DYNC1I1: variants seen among roughly 807,000 people sequenced by gnomAD.
DYNC1I1 encodes dynein cytoplasmic 1 intermediate chain 1, also known as cytoplasmic dynein 1 intermediate chain 1.
A neutral mutation model predicts 86.6 loss-of-function variants in DYNC1I1; 43 were observed. The ratio of observed to expected loss-of-function variants is 0.50; its 90% confidence interval spans 0.39 to 0.64. DYNC1I1 has a LOEUF of 0.64. Ranked by LOEUF, DYNC1I1 falls within the 30% of genes least tolerant of loss-of-function variation. The pLI, the probability that DYNC1I1 is intolerant of heterozygous loss-of-function variation, is 0.00. For missense variants in DYNC1I1, 604 were observed against 788.8 expected (o/e 0.77, Z 2.81); for synonymous variants, 262 against 283.7 (o/e 0.92, Z 0.77).
chr7:95,885,965 C>T (rs1790581859), intron 6 of DYNC1I1, among the ~76,000 whole-genome samples: 1 of 152,092 alleles, frequency 6.6e-6, no homozygotes, highest in Non-Finnish European at 1.5e-5. Flanking sequence ...AATAAACTAC[C>T]AAAGGTCTTA....
chr7:95,910,458 T>G (rs966463196), intron 6 of DYNC1I1, among the ~76,000 whole-genome samples: 2 of 152,134 alleles, frequency 1.3e-5, no homozygotes, highest in African/African-American at 4.8e-5. Context: ...CCATGTAAAG[T>G]GGACACTTAT....
intron 3 of DYNC1I1, among the ~76,000 whole-genome samples, chr7:95,811,525 A>C (rs1318587544): frequency 6.6e-6 from 1 of 152,112 alleles, no homozygotes; most frequent in Non-Finnish European, 1.5e-5. Context: ...TAAGAAAAAG[A>C]ACAATATATA....
chr7:96,062,418 CT>C (rs1325044582), intron 14 of DYNC1I1, among the ~76,000 whole-genome samples: 2 of 150,936 alleles, frequency 1.3e-5, no homozygotes, highest in Admixed American at 1.3e-4. Context: ...TACTTTCCTT[CT>C]TTTGTTTTTT....
chr7:96,038,571 A>G (rs1343987757), intron 13 of DYNC1I1, among the ~76,000 whole-genome samples: 1 of 152,202 alleles, frequency 6.6e-6, no homozygotes, highest in Non-Finnish European at 1.5e-5. Context: ...TTATTCAACA[A>G]ATATTTATTG....
At chr7:95,810,363 T>G (rs1437079447) in intron 2 of DYNC1I1, 29 bp from the exon 3 acceptor site, 1 of 1,565,254 alleles carries the variant, frequency 6.4e-7, no homozygotes, top group South Asian at 1.2e-5. Context: ...GTTATGTTAT[T>G]AACTTTTCTT....
intron 13 of DYNC1I1, among the ~76,000 whole-genome samples, chr7:96,036,218 C>G (rs1459771785): frequency 6.6e-6 from 1 of 152,156 alleles, no homozygotes; most frequent in East Asian, 1.9e-4. Context: ...TTTTCTGACT[C>G]TTGGGCAAAG....
rs185161249 is a variant in DYNC1I1 at position 95,977,481 on chromosome 7, A to G, written c.491-31A>G. ...AAAGACTTTGATTTGGAGGAAAGAA[A>G]ATATTGTATTTTTCTCTTTCTTTTT... On this transcript the variant is annotated intron_variant, in intron 6 of 16. Transcript: ENST00000447467. The G allele has an allele frequency of 3.2e-5, 51 of 1,602,934 alleles. No homozygotes were observed. In the African/African-American group the frequency reaches 6.3e-4, roughly 20 times the overall value.
At chr7:95,803,219 A>G (rs1794623376) in intron 1 of DYNC1I1, among the ~76,000 whole-genome samples, 1 of 152,240 alleles carries the variant, frequency 6.6e-6, no homozygotes, top group Non-Finnish European at 1.5e-5. Context: ...ATGAATGTCA[A>G]AGGCCTGGCA....
At chr7:96,094,683 T>C (rs1290955726) in intron 16 of DYNC1I1, among the ~76,000 whole-genome samples, 1 of 152,206 alleles carries the variant, frequency 6.6e-6, no homozygotes, top group African/African-American at 2.4e-5. Context: ...GATGGTGATA[T>C]TTAATTCTAA....
chr7:95,841,583 A>G (rs1789283477), intron 5 of DYNC1I1, among the ~76,000 whole-genome samples: 1 of 152,000 alleles, frequency 6.6e-6, no homozygotes, highest in Non-Finnish European at 1.5e-5. Context: ...ACTCCCAAGC[A>G]GCAGATGAAA....
intron 14 of DYNC1I1, among the ~76,000 whole-genome samples, chr7:96,046,760 G>C (rs753359398): frequency 6.6e-6 from 1 of 152,160 alleles, no homozygotes; most frequent in African/African-American, 2.4e-5. Context: ...GATTTGAGAG[G>C]GGAGTCAGTG....
intron 5 of DYNC1I1, among the ~76,000 whole-genome samples, chr7:95,851,529 C>A (rs1042418375): frequency 6.6e-6 from 1 of 151,856 alleles, no homozygotes; most frequent in African/African-American, 2.4e-5. Context: ...GATTTGCGTT[C>A]ATGGGACTAT....
At chr7:96,084,268 C>T (rs1412678830) in intron 16 of DYNC1I1, among the ~76,000 whole-genome samples, 3 of 148,888 alleles carry the variant, frequency 2.0e-5, no homozygotes, top group Non-Finnish European at 4.4e-5. Context: ...GCAAATTAGC[C>T]GGTCCTGTCA....
At chr7:95,886,808 C>T (rs993310024) in intron 6 of DYNC1I1, among the ~76,000 whole-genome samples, 3 of 152,168 alleles carry the variant, frequency 2.0e-5, no homozygotes, top group Non-Finnish European at 4.4e-5. Flanking sequence ...ATGAAAGGAG[C>T]AGCAGTGATC....
At chr7:95,904,201 C>T (rs1791113589) in intron 6 of DYNC1I1, among the ~76,000 whole-genome samples, 2 of 152,162 alleles carry the variant, frequency 1.3e-5, no homozygotes, top group Admixed American at 1.3e-4. Context: ...TCACAGAATC[C>T]ACATGACATT....
At chr7:95,901,242 A>T in intron 6 of DYNC1I1, among the ~76,000 whole-genome samples, 1 of 152,214 alleles carries the variant, frequency 6.6e-6, no homozygotes, top group African/African-American at 2.4e-5. Flanking sequence ...GTTGGAGCAC[A>T]GTTCTTTTGG....
intron 6 of DYNC1I1, among the ~76,000 whole-genome samples, chr7:95,926,183 G>T (rs1791740000): frequency 6.6e-6 from 1 of 152,096 alleles, no homozygotes; most frequent in Non-Finnish European, 1.5e-5. Context: ...AATTGTTCCT[G>T]CAGGAAGTAA....
At chr7:95,998,325 C>G (rs1379842864) in intron 10 of DYNC1I1, among the ~76,000 whole-genome samples, 1 of 152,228 alleles carries the variant, frequency 6.6e-6, no homozygotes, top group Non-Finnish European at 1.5e-5. Context: ...ATAGCAAAGG[C>G]TGTACAGCCC....
Position 95,987,041 on chromosome 7 carries a change from T to C in DYNC1I1, c.744-15T>C. The C allele has an allele frequency of 6.2e-7, 1 of 1,611,518 alleles. No homozygotes were observed. Among genetic ancestry groups the C allele is most frequent in the Non-Finnish European group, 8.5e-7 (1 of 1,178,086 alleles). On this transcript the variant is annotated splice_polypyrimidine_tract_variant and intron_variant, in intron 8 of 16. Transcript: ENST00000447467. ...AAGAGCTCCATATTTATCTCTGATG[T>C]TTAAATCCTCCTAGGGATGTTCAGG...
Sources: gnomAD v4.1 joint callset for allele counts (sites outside exome capture counted in the v4.1 genomes callset) on GRCh38, gnomAD v4.1.1 for gene constraint, MANE v1.5 for transcripts, NCBI Gene and HGNC (gene_info 2026-07-23, HGNC 2026-07-21) for gene names.